NPAS3: variants seen among roughly 807,000 people sequenced by gnomAD.
NPAS3 encodes neuronal PAS domain protein 3, also known as neuronal PAS domain-containing protein 3.
NPAS3 carries 14 observed loss-of-function variants against 73.1 expected under a neutral mutation model. That is an observed-to-expected ratio of 0.19 (90% CI 0.13 to 0.30). The LOEUF (loss-of-function observed/expected upper bound fraction) is 0.30. Ranked by LOEUF, NPAS3 falls within the 10% of genes least tolerant of loss-of-function variation. NPAS3 has a pLI of 1.00. For missense variants in NPAS3, 1,096 were observed against 1,250.0 expected (o/e 0.88, Z 1.86); for synonymous variants, 620 against 541.5 (o/e 1.14, Z -2.01).
At chr14:32,990,034 G>A (rs1017192440) in intron 1 of NPAS3, among the ~76,000 whole-genome samples, 1 of 152,278 alleles carries the variant, frequency 6.6e-6, no homozygotes, top group African/African-American at 2.4e-5. Context: ...AGGGAGTCAC[G>A]ATAAGCAAAG....
intron 4 of NPAS3, among the ~76,000 whole-genome samples, chr14:33,505,145 G>T (rs2052696390): frequency 6.6e-6 from 1 of 151,904 alleles, no homozygotes; most frequent in African/African-American, 2.4e-5. Flanking sequence ...AGTATTTTTG[G>T]CAAAAGTTTG....
intron 5 of NPAS3, among the ~76,000 whole-genome samples, chr14:33,622,942 G>A (rs1241293458): frequency 2.0e-5 from 3 of 152,132 alleles, no homozygotes; most frequent in Admixed American, 6.6e-5. Flanking sequence ...AAGTGGGATC[G>A]TATCCCAGTA....
chr14:33,417,036 C>T (rs17101058), intron 4 of NPAS3, among the ~76,000 whole-genome samples: 29,935 of 151,722 alleles, frequency 0.2, 3,299 homozygotes, highest in Admixed American at 0.27. Flanking sequence ...ATTAGGGAAA[C>T]GGTGCTAAAA....
At chr14:32,963,050 C>T (rs1432129299) in intron 1 of NPAS3, among the ~76,000 whole-genome samples, 1 of 152,030 alleles carries the variant, frequency 6.6e-6, no homozygotes. Context: ...AGTCATCTAT[C>T]ATTTAAATGG....
chr14:33,426,676 CA>C (rs1258572528), intron 4 of NPAS3, among the ~76,000 whole-genome samples: 1 of 151,936 alleles, frequency 6.6e-6, no homozygotes, highest in African/African-American at 2.4e-5. Context: ...AGATGGGGTA[CA>C]GGGGAGGGTT....
intron 2 of NPAS3, among the ~76,000 whole-genome samples, chr14:33,143,531 CTT>C (rs2044134365): frequency 6.6e-6 from 1 of 152,080 alleles, no homozygotes; most frequent in South Asian, 2.1e-4. Flanking sequence ...CTTTTCAATC[CTT>C]TTCATAAAAC....
intron 3 of NPAS3, among the ~76,000 whole-genome samples, chr14:33,340,044 G>T (rs1209860701): frequency 1.3e-5 from 2 of 152,018 alleles, no homozygotes; most frequent in East Asian, 1.9e-4. Context: ...GGCATTTTTA[G>T]TTTTTTTATT....
intron 4 of NPAS3, among the ~76,000 whole-genome samples, chr14:33,425,339 AG>A (rs2048512590): frequency 6.6e-6 from 1 of 152,016 alleles, no homozygotes; most frequent in South Asian, 2.1e-4. Context: ...GGAGTTGAAA[AG>A]GGATGTTTTT....
At chr14:33,791,495 T>C (rs1403666466) in intron 9 of NPAS3, among the ~76,000 whole-genome samples, 2 of 152,198 alleles carry the variant, frequency 1.3e-5, no homozygotes, top group African/African-American at 4.8e-5. Flanking sequence ...CATCCTACTG[T>C]AATTCAAAAA....
chr14:33,547,930 C>A (rs2054922887), intron 4 of NPAS3, among the ~76,000 whole-genome samples: 1 of 152,196 alleles, frequency 6.6e-6, no homozygotes, highest in African/African-American at 2.4e-5. Flanking sequence ...TGGAAATTTT[C>A]TCAACTGTGA....
intron 5 of NPAS3, among the ~76,000 whole-genome samples, chr14:33,645,157 G>T (rs1393748258): frequency 6.6e-6 from 1 of 152,006 alleles, no homozygotes. Context: ...ACTGAGAAAT[G>T]TCGAGAGTTG....
intron 11 of NPAS3, among the ~76,000 whole-genome samples, chr14:33,797,936 C>G (rs1376231901): frequency 1.3e-5 from 2 of 151,938 alleles, no homozygotes; most frequent in African/African-American, 4.8e-5. Flanking sequence ...TCTGACAGAT[C>G]TCTTTCTTTA....
intron 3 of NPAS3, among the ~76,000 whole-genome samples, chr14:33,360,919 G>A (rs902778585): frequency 2.0e-5 from 3 of 152,080 alleles, no homozygotes; most frequent in South Asian, 2.1e-4. Flanking sequence ...ACTGTCAGAC[G>A]TTGACCTCAT....
At chr14:33,344,303 T>C (rs1459218069) in intron 3 of NPAS3, among the ~76,000 whole-genome samples, 2 of 152,250 alleles carry the variant, frequency 1.3e-5, no homozygotes, top group African/African-American at 2.4e-5. Context: ...ATCTGTATTC[T>C]TATAGAATAC....
intron 6 of NPAS3, among the ~76,000 whole-genome samples, chr14:33,678,300 C>T (rs1037874074): frequency 6.6e-6 from 1 of 152,158 alleles, no homozygotes; most frequent in African/African-American, 2.4e-5. Flanking sequence ...ATCTGCTTCG[C>T]TGCAACTTCC....
intron 3 of NPAS3, among the ~76,000 whole-genome samples, chr14:33,253,095 G>A (rs2048648913): frequency 6.6e-6 from 1 of 152,048 alleles, no homozygotes; most frequent in Non-Finnish European, 1.5e-5. Context: ...AAGTGGAAAT[G>A]TCTTTCTTAT....
intron 2 of NPAS3, among the ~76,000 whole-genome samples, chr14:33,183,563 T>C (rs2045881879): frequency 6.6e-6 from 1 of 150,458 alleles, no homozygotes; most frequent in African/African-American, 2.4e-5. Flanking sequence ...GGTGTTCTTC[T>C]CCATCACGCC....
chr14:33,228,420 T>A (rs948945472), intron 3 of NPAS3, among the ~76,000 whole-genome samples: 1 of 152,240 alleles, frequency 6.6e-6, no homozygotes, highest in East Asian at 1.9e-4. Flanking sequence ...AACAAAAAAA[T>A]TCTTAAAATA....
intron 1 of NPAS3, among the ~76,000 whole-genome samples, chr14:32,984,232 T>C (rs17454110): frequency 0.022 from 3,348 of 152,326 alleles, 89 homozygotes; most frequent in South Asian, 0.078. Context: ...TAATCCCTGC[T>C]GTATCTTAGA....
Sources: gnomAD v4.1 joint callset for allele counts (sites outside exome capture counted in the v4.1 genomes callset) on GRCh38, gnomAD v4.1.1 for gene constraint, MANE v1.5 for transcripts, NCBI Gene and HGNC (gene_info 2026-07-23, HGNC 2026-07-21) for gene names.